Variants in SPATA6 observed in about 807,000 individuals in gnomAD.
SPATA6 encodes spermatogenesis-associated protein 6.
A neutral mutation model predicts 65.3 loss-of-function variants in SPATA6; 56 were observed. That is an observed-to-expected ratio of 0.86 (90% CI 0.69 to 1.07). The LOEUF (loss-of-function observed/expected upper bound fraction) is 1.07. Among genes scored for constraint, SPATA6 ranks in the 50% least tolerant of loss-of-function variants. The pLI, the probability that SPATA6 is intolerant of heterozygous loss-of-function variation, is 0.00. For synonymous variants in SPATA6, 199 were observed against 213.2 expected, an observed-to-expected ratio of 0.93 and a Z score of 0.58; for missense variants, 590 against 594.8, an observed-to-expected ratio of 0.99 and a Z score of 0.08.
rs373684611 is a variant in SPATA6, at chr1:48,390,047, C to T, written c.869-4698G>A. On this transcript the variant is annotated intron_variant, in intron 8 of 12. Transcript: ENST00000371847. ...AAACTTGAATGTAAAACTAAAAATACAACTACCACACAATCAGCAATCTCA... is the reference window on the plus strand; with the variant it reads ...AAACTTGAATGTAAAACTAAAAATATAACTACCACACAATCAGCAATCTCA... Among the ~76,000 whole-genome samples the T allele has an allele frequency of 1.4e-4, 21 of 152,178 alleles. No homozygotes were observed. In the East Asian group the frequency reaches 1.7e-3, roughly 13 times the overall value.
chr1:48,393,313 AAAT>A (rs1046504264), intron 8 of SPATA6: 2 of 152,092 alleles, frequency 1.3e-5, no homozygotes, highest in African/African-American at 4.8e-5. Flanking sequence ...GGAGGAAAAT[AAAT>A]AATCTGAATC....
the SPATA6 span, among the ~76,000 whole-genome samples, chr1:48,270,842 C>G: frequency 6.6e-6 from 1 of 151,854 alleles, no homozygotes; most frequent in African/African-American, 2.4e-5. Context: ...ATGCAACATA[C>G]CAAGATTTAA....
chr1:48,341,791 T>C (rs969864062), intron 11 of SPATA6, among the ~76,000 whole-genome samples: 6 of 152,164 alleles, frequency 3.9e-5, no homozygotes, highest in Admixed American at 6.6e-5. Flanking sequence ...GCATGGTGCA[T>C]GGTAAGTGCT....
chr1:48,472,032 A>T lies in SPATA6; in HGVS notation c.-24T>A, dbSNP rs1658306321. Reference sequence around the variant, plus strand: ...ATCCGTGCGGGGAGGGGCGGCGGGGAGTGACCCCGGCCACGGGCCCGAGTG... The same window carrying T: ...ATCCGTGCGGGGAGGGGCGGCGGGGTGTGACCCCGGCCACGGGCCCGAGTG... On this transcript the variant is annotated 5_prime_UTR_variant, in exon 1 of 13. Transcript: ENST00000371847. 2.8e-6 allele frequency: 4 copies of T among 1,437,868 alleles called. No individual in the cohort carries two copies. The highest frequency in any genetic ancestry group is 3.7e-6 in the Non-Finnish European group (4 of 1,088,320). 89.1% of individuals were successfully genotyped at this position (1,437,868 alleles called of 1,614,324 possible). A position where few individuals can be genotyped will look rare whatever the true frequency, so the allele number is the denominator to read the frequency against.
intron 9 of SPATA6, among the ~76,000 whole-genome samples, chr1:48,367,071 A>T (rs1647045014): frequency 6.6e-6 from 1 of 152,012 alleles, no homozygotes; most frequent in Non-Finnish European, 1.5e-5. Context: ...GTCATTCAGG[A>T]GCAGGTTGTT....
chr1:48,327,993 A>C (rs560454163), intron 11 of SPATA6, among the ~76,000 whole-genome samples: 1 of 152,288 alleles, frequency 6.6e-6, no homozygotes, highest in South Asian at 2.1e-4. Context: ...AGTTTTTTAA[A>C]AACTCGATAA....
At chr1:48,441,406 T>C (rs562661281) in intron 3 of SPATA6, among the ~76,000 whole-genome samples, 33 of 152,346 alleles carry the variant, frequency 2.2e-4, no homozygotes, top group Non-Finnish European at 2.9e-4. Flanking sequence ...TCAGTTGTAA[T>C]TGGGAGACTT....
chr1:48,305,874 T>A lies in SPATA6; in HGVS notation c.1199A>T (p.Glu400Val), dbSNP rs759711105. 6.2e-7 allele frequency: 1 copy of A among 1,610,782 alleles called. No individual in the cohort carries two copies. The highest frequency in any genetic ancestry group is 2.2e-5 in the East Asian group (1 of 44,662). ...TTCATCATCTTTCTCTAGGTCTCTC[T>A]CATCCTGAAAAATTTTAAAGATTTC... is the stretch of plus-strand genomic sequence containing the variant. ...HQAHQRHLYD[E>V]RDLEKDDELE... Residue 400 changes from glutamate to valine, a missense_variant, in exon 12 of 13, where the codon GAG (glutamate) becomes GTG (valine). Transcript: ENST00000371847.
chr1:48,298,668 T>C lies in SPATA6; in HGVS notation c.*45A>G, dbSNP rs1340531663. ...ATATTGATCACATCAAACATTTTCA[T>C]TGAGAAATTGACACGGACACTAATG... On this transcript the variant is annotated 3_prime_UTR_variant, in exon 13 of 13. Coordinates refer to ENST00000371847, the MANE Select transcript of SPATA6 (RefSeq NM_019073.4). The C allele has an allele frequency of 5.7e-5, 87 of 1,535,346 alleles. No individual in the cohort carries two copies. The highest frequency in any genetic ancestry group is 7.3e-5 in the Non-Finnish European group (83 of 1,137,164).
intron 11 of SPATA6, among the ~76,000 whole-genome samples, chr1:48,341,849 G>A (rs1244711284): frequency 2.6e-5 from 4 of 152,130 alleles, no homozygotes; most frequent in East Asian, 1.9e-4. Context: ...AGCCATGGAT[G>A]GAAACATGTT....
chr1:48,281,113 G>T, the SPATA6 span, among the ~76,000 whole-genome samples: 1 of 152,118 alleles, frequency 6.6e-6, no homozygotes, highest in Non-Finnish European at 1.5e-5. Flanking sequence ...TGCAGAAAAG[G>T]CCTTTGACAA....
At chr1:48,440,611 G>A (rs1655366330) in intron 3 of SPATA6, among the ~76,000 whole-genome samples, 1 of 152,146 alleles carries the variant, frequency 6.6e-6, no homozygotes, top group African/African-American at 2.4e-5. Context: ...AGGAAAATTA[G>A]GGAAAAGCCC....
intron 1 of SPATA6, among the ~76,000 whole-genome samples, chr1:48,469,785 C>A (rs1345216995): frequency 6.7e-6 from 1 of 149,990 alleles, no homozygotes; most frequent in Non-Finnish European, 1.5e-5. Flanking sequence ...TTAACTTTTA[C>A]GTCTGCTAGT....
At chr1:48,378,663 T>C (rs1475313753) in intron 9 of SPATA6, among the ~76,000 whole-genome samples, 3 of 152,164 alleles carry the variant, frequency 2.0e-5, no homozygotes, top group African/African-American at 4.8e-5. Flanking sequence ...TTCACTGTCA[T>C]GAGAATAACA....
At chr1:48,422,559 C>A (rs1179405480) in intron 3 of SPATA6, among the ~76,000 whole-genome samples, 1 of 152,168 alleles carries the variant, frequency 6.6e-6, no homozygotes, top group African/African-American at 2.4e-5. Context: ...CTGGTCTTTA[C>A]AAGGACTGAA....
At chr1:48,354,702 T>C (rs1646607728) in intron 11 of SPATA6, among the ~76,000 whole-genome samples, 1 of 151,954 alleles carries the variant, frequency 6.6e-6, no homozygotes, top group African/African-American at 2.4e-5. Context: ...GCTCAAAACG[T>C]GCAATATTAT....
chr1:48,331,836 C>T (rs1303263314), intron 11 of SPATA6, among the ~76,000 whole-genome samples: 1 of 152,148 alleles, frequency 6.6e-6, no homozygotes, highest in Non-Finnish European at 1.5e-5. Context: ...AAGGGGAGGT[C>T]ACTCACTAGG....
chr1:48,301,546 C>CA (rs879317585), intron 12 of SPATA6, among the ~76,000 whole-genome samples: 1,673 of 147,436 alleles, frequency 0.011, 15 homozygotes, highest in Non-Finnish European at 0.013. Flanking sequence ...CACACACACA[C>CA]AAAAAAAAAA....
intron 1 of SPATA6, among the ~76,000 whole-genome samples, chr1:48,455,191 G>A (rs1280557477): frequency 1.3e-5 from 2 of 151,908 alleles, no homozygotes; most frequent in Non-Finnish European, 2.9e-5. Flanking sequence ...AGCCAATTAC[G>A]CCCAGAGATA....
Sources: gnomAD v4.1 joint callset for allele counts (sites outside exome capture counted in the v4.1 genomes callset) on GRCh38, gnomAD v4.1.1 for gene constraint, MANE v1.5 for transcripts, NCBI Gene and HGNC (gene_info 2026-07-23, HGNC 2026-07-21) for gene names.